RUBCNL: variants seen among roughly 807,000 people sequenced by gnomAD.
RUBCNL encodes rubicon like autophagy enhancer, also known as protein associated with UVRAG as autophagy enhancer.
A neutral mutation model predicts 69.5 loss-of-function variants in RUBCNL; 62 were observed. The observed-to-expected ratio is 0.89, with a 90% CI of 0.73 to 1.10. The LOEUF is 1.10. Among genes scored for constraint, RUBCNL ranks in the 50% least tolerant of loss-of-function variants. The pLI, the probability that RUBCNL is intolerant of heterozygous loss-of-function variation, is 0.00. For missense variants in RUBCNL, 768 were observed against 798.1 expected (o/e 0.96, Z 0.45); for synonymous variants, 291 against 303.6 (o/e 0.96, Z 0.43).
At chr13:46,377,652 T>G (rs1006112092) in intron 2 of RUBCNL, among the ~76,000 whole-genome samples, 6 of 152,226 alleles carry the variant, frequency 3.9e-5, no homozygotes, top group African/African-American at 1.2e-4. Flanking sequence ...CTGACCTAAG[T>G]GAATTGAGCA....
intron 12 of RUBCNL, among the ~76,000 whole-genome samples, chr13:46,347,651 A>G (rs2048276152): frequency 6.6e-6 from 1 of 152,200 alleles, no homozygotes. Context: ...ATGGATTAAA[A>G]AAATGTAGTA....
intron 1 of RUBCNL, among the ~76,000 whole-genome samples, chr13:46,380,139 T>G (rs1566091645): frequency 6.6e-6 from 1 of 152,194 alleles, no homozygotes; most frequent in Non-Finnish European, 1.5e-5. Context: ...CCATTAATTT[T>G]GAAGGTTTGC....
rs1222777511 is a variant in RUBCNL, at chr13:46,368,241, G to A, written c.627C>T (p.Ala209=). The A allele has an allele frequency of 1.9e-6, 3 of 1,612,272 alleles. No individual in the cohort carries two copies. Among genetic ancestry groups the A allele is most frequent in the Non-Finnish European group, 2.5e-6 (3 of 1,179,024 alleles). ...TAATCATATCTGCAACATAAAAGTG[G>A]GCATTTTCCTGCAGAAAAAGAAATC... The part of the protein sequence containing the change: ...VLPVDVEKEN[A]HFYVADMIIS... The change falls in exon 5 of 15, where the codon GCC becomes GCT. Residue 209 remains alanine, a synonymous_variant. Transcript: ENST00000429979.
intron 10 of RUBCNL, chr13:46,354,749 T>C: frequency 2.2e-6 from 1 of 456,582 alleles, no homozygotes; most frequent in Non-Finnish European, 4.4e-6. Context: ...TCACTTTGTG[T>C]TACATACACT....
At chr13:46,357,597 A>G (rs2048518331) in intron 9 of RUBCNL, among the ~76,000 whole-genome samples, 1 of 151,934 alleles carries the variant, frequency 6.6e-6, no homozygotes, top group African/African-American at 2.4e-5. Context: ...CATTTCTGGT[A>G]AGAGATATTC....
In RUBCNL at chr13:46,372,602, A is replaced by C. The variant is rs1322544306; in HGVS notation, c.-122-5T>G. ...CTGGGGGTCTGGAGAGCTATTCTGCAATGAGCAAGGAATCATTCAAAATAA... is the reference window on the plus strand; with the variant it reads ...CTGGGGGTCTGGAGAGCTATTCTGCCATGAGCAAGGAATCATTCAAAATAA... On this transcript the variant is annotated splice_region_variant and splice_polypyrimidine_tract_variant and intron_variant, in intron 2 of 14. Transcript: ENST00000429979. 6.9e-7 allele frequency: 1 copy of C among 1,445,902 alleles called. No individual in the cohort carries two copies. The highest frequency in any genetic ancestry group is 9.1e-7 in the Non-Finnish European group (1 of 1,101,856). The allele number at this position is 1,445,902 out of a possible 1,614,324, so 89.6% of individuals were successfully genotyped here. A position where few individuals can be genotyped will look rare whatever the true frequency, so the allele number is the denominator to read the frequency against.
At chr13:46,356,306 T>C (rs1283343947) in intron 10 of RUBCNL, 126 bp downstream of exon 10, 1 of 895,642 alleles carries the variant, frequency 1.1e-6, no homozygotes, top group Non-Finnish European at 1.7e-6. Context: ...GGAGGGCAAC[T>C]TCTCTGAAGC....
chr13:46,387,870 C>G (rs1004032839), upstream of RUBCNL: 18 of 984,650 alleles, frequency 1.8e-5, no homozygotes, highest in African/African-American at 3.0e-4. Flanking sequence ...CATGGTGGTG[C>G]TAGGAGAACC....
chr13:46,345,430 T>A lies in RUBCNL; in HGVS notation c.1785+17A>T. The A allele has an allele frequency of 6.4e-7, 1 of 1,552,982 alleles. No homozygotes were observed. The highest frequency in any genetic ancestry group is 8.7e-7 in the Non-Finnish European group (1 of 1,147,964). On this transcript the variant is annotated intron_variant, in intron 13 of 14. Transcript: ENST00000429979. Reference sequence around the variant, plus strand: ...CCTGGTGCATCGGGAACGAATCTGCTCTGGGTGCACCCTCACCTCACAGCC... The same window carrying A: ...CCTGGTGCATCGGGAACGAATCTGCACTGGGTGCACCCTCACCTCACAGCC...
chr13:46,365,836 G>A (rs534048484), intron 5 of RUBCNL, among the ~76,000 whole-genome samples: 220 of 152,306 alleles, frequency 1.4e-3, no homozygotes, highest in African/African-American at 5.0e-3. Flanking sequence ...AGGACAAAAA[G>A]TTGTGATCCA....
chr13:46,346,821 A>G (rs1239319281), intron 12 of RUBCNL, among the ~76,000 whole-genome samples: 5 of 152,252 alleles, frequency 3.3e-5, no homozygotes, highest in African/African-American at 1.2e-4. Flanking sequence ...CAAGTACAAT[A>G]AACAATCTTA....
At chr13:46,387,838 G>A (rs2049283604), upstream of RUBCNL, 3 of 985,468 alleles carry the variant, frequency 3.0e-6, no homozygotes, top group African/African-American at 3.5e-5. Context: ...CATCACGGGT[G>A]TGCAGTGGTT....
chr13:46,354,159 A>G (rs2048432153), intron 10 of RUBCNL, among the ~76,000 whole-genome samples: 1 of 152,222 alleles, frequency 6.6e-6, no homozygotes, highest in Non-Finnish European at 1.5e-5. Flanking sequence ...TGAACTAGTA[A>G]AGGGTAAAAT....
chr13:46,372,641 T>G, intron 2 of RUBCNL, 44 bp from the exon 3 acceptor site: 1 of 1,419,888 alleles, frequency 7.0e-7, no homozygotes, highest in Non-Finnish European at 9.2e-7. Flanking sequence ...AGAATTCAAT[T>G]GTATTTTGGC....
chr13:46,348,663 G>A (rs1455101703), intron 12 of RUBCNL, among the ~76,000 whole-genome samples: 1 of 150,108 alleles, frequency 6.7e-6, no homozygotes, highest in Non-Finnish European at 1.5e-5. Context: ...GAGTTCAGTG[G>A]TGCGATCTTG....
At chr13:46,358,931 A>AT (rs2048549871) in intron 9 of RUBCNL, among the ~76,000 whole-genome samples, 1 of 152,062 alleles carries the variant, frequency 6.6e-6, no homozygotes, top group Non-Finnish European at 1.5e-5. Flanking sequence ...AAGTTTATTC[A>AT]TTCATTTTTA....
At position 46,341,615 on chromosome 13, in the gene RUBCNL, A is replaced by G. The variant is rs566618589; in HGVS notation, c.*1770T>C. Among the ~76,000 whole-genome samples, 1 of 152,388 alleles carries G rather than the reference A, an allele frequency of 6.6e-6. No individual in the cohort carries two copies. Among genetic ancestry groups the G allele is most frequent in the East Asian group, 1.9e-4 (1 of 5,192 alleles). On this transcript the variant is annotated 3_prime_UTR_variant, in exon 15 of 15. Transcript: ENST00000429979. ...CCTTACAAACATACAAACCCTGAGC[A>G]CAGAGCCCTTCAAGCAATGCTTGAG... is the stretch of plus-strand genomic sequence containing the variant.
intron 1 of RUBCNL, among the ~76,000 whole-genome samples, chr13:46,379,158 C>T (rs912253378): frequency 8.5e-5 from 13 of 152,200 alleles, no homozygotes; most frequent in Non-Finnish European, 1.6e-4. Context: ...CTCACTGTGA[C>T]CTCTGCCTCC....
chr13:46,343,578 G>C, intron 14 of RUBCNL, 81 bp from the exon 15 acceptor site: 1 of 1,418,904 alleles, frequency 7.0e-7, no homozygotes, highest in Non-Finnish European at 9.6e-7. Flanking sequence ...TCCATCCTAG[G>C]GAGGGAGAGG....
Sources: allele counts gnomAD v4.1 joint callset (sites outside exome capture counted in the v4.1 genomes callset), GRCh38; gene constraint gnomAD v4.1.1; transcripts MANE v1.5; gene names NCBI Gene and HGNC (gene_info 2026-07-23, HGNC 2026-07-21).